Variants in COL4A4 observed in about 807,000 individuals in gnomAD.
COL4A4 encodes collagen type IV alpha 4 chain, also known as collagen alpha-4(IV) chain.
In COL4A4, 105 loss-of-function variants were observed where a neutral mutation model predicts 192.9. That is an observed-to-expected ratio of 0.54 (90% confidence interval 0.46 to 0.64). The LOEUF (loss-of-function observed/expected upper bound fraction) is 0.64, where lower values mean the gene tolerates loss of function less well. COL4A4 is among the 30% of genes least tolerant of loss of function. The probability of loss-of-function intolerance (pLI) is 0.00; values close to 1 mark genes in which losing one functional copy is unlikely to be tolerated. For missense variants in COL4A4, 1,967 were observed against 2,169.3 expected (o/e 0.91, Z 1.85); for synonymous variants, 762 against 769.9 (o/e 0.99, Z 0.17).
intron 5 of COL4A4, 37 bp from the exon 6 acceptor site, chr2:227,119,976 TATTAA>T (rs1559674472): frequency 6.9e-7 from 1 of 1,448,302 alleles, no homozygotes; most frequent in Admixed American, 1.9e-5. Flanking sequence ...AGATAAAAAT[TATTAA>T]ATTAATAAGC....
At chr2:227,052,944 G>A (rs976774400) in intron 31 of COL4A4, among the ~76,000 whole-genome samples, 4 of 152,068 alleles carry the variant, frequency 2.6e-5, no homozygotes, top group African/African-American at 4.8e-5. Context: ...TGCAGGCGTG[G>A]GCTCCTACCA....
chr2:227,000,364 A>T (rs563029670), downstream of COL4A4, among the ~76,000 whole-genome samples: 1 of 152,360 alleles, frequency 6.6e-6, no homozygotes, highest in Non-Finnish European at 1.5e-5. Flanking sequence ...TGCATTTTAC[A>T]CCATTTATTG....
intron 25 of COL4A4, among the ~76,000 whole-genome samples, chr2:227,074,729 G>C (rs1202447145): frequency 6.6e-6 from 1 of 152,124 alleles, no homozygotes; most frequent in Non-Finnish European, 1.5e-5. Flanking sequence ...CCATTAAAAG[G>C]AACAAAACAA....
At chr2:227,133,329 G>C (rs1293457904) in intron 4 of COL4A4, among the ~76,000 whole-genome samples, 1 of 152,260 alleles carries the variant, frequency 6.6e-6, no homozygotes, top group African/African-American at 2.4e-5. Context: ...ACGTAGACTC[G>C]GTCTGTTTGG....
At chr2:227,018,379 G>A (rs1350457175) in intron 44 of COL4A4, among the ~76,000 whole-genome samples, 4 of 152,320 alleles carry the variant, frequency 2.6e-5, no homozygotes, top group Non-Finnish European at 4.4e-5. Flanking sequence ...GGTCAGCCAG[G>A]GTTTGGCATT....
intron 24 of COL4A4, among the ~76,000 whole-genome samples, chr2:227,078,296 G>A (rs1451741781): frequency 6.6e-6 from 1 of 152,120 alleles, no homozygotes; most frequent in Admixed American, 6.5e-5. Flanking sequence ...AGGCTGGTGT[G>A]CAGTGGTGCT....
At chr2:227,018,297 C>T (rs1056169561) in intron 44 of COL4A4, among the ~76,000 whole-genome samples, 12 of 152,064 alleles carry the variant, frequency 7.9e-5, no homozygotes, top group Non-Finnish European at 1.2e-4. Flanking sequence ...TGTATATGGC[C>T]CCTCACACCC....
intron 22 of COL4A4, among the ~76,000 whole-genome samples, chr2:227,085,045 C>T (rs1047438329): frequency 6.6e-6 from 1 of 151,856 alleles, no homozygotes; most frequent in African/African-American, 2.4e-5. Flanking sequence ...GCAGCAGAAT[C>T]GCCTGAACCC....
rs753486694 is a variant in COL4A4, at chr2:227,098,792, G to T, written c.1106C>A (p.Pro369Gln). Residue 369 changes from proline to glutamine, a missense_variant, in exon 19 of 48, where the codon CCA (proline) becomes CAA (glutamine). Pro to Gln is a moderately conservative substitution (Grantham distance 76). Coordinates refer to ENST00000396625, the MANE Select transcript of COL4A4 (RefSeq NM_000092.5). ...VTPPLPLKGP[P>Q]GDPGFPGRYG... Reference sequence around the variant, plus strand: ...GCGGCCAGGGAACCCTGGGTCCCCTGGTGGGCCTGCCAAAGATAATGGTAC... The same window carrying T: ...GCGGCCAGGGAACCCTGGGTCCCCTTGTGGGCCTGCCAAAGATAATGGTAC... 4 of 1,613,556 alleles carry T rather than the reference G, an allele frequency of 2.5e-6. No homozygotes were observed. Among genetic ancestry groups the T allele is most frequent in the Admixed American group, 3.3e-5 (2 of 59,990 alleles).
intron 20 of COL4A4, among the ~76,000 whole-genome samples, chr2:227,090,242 G>C (rs2059841572): frequency 6.6e-6 from 1 of 151,844 alleles, no homozygotes; most frequent in African/African-American, 2.4e-5. Flanking sequence ...CAAGATAATG[G>C]ACAACAAAAC....
the COL4A4 span, among the ~76,000 whole-genome samples, chr2:226,993,989 C>T: frequency 6.6e-6 from 1 of 152,156 alleles, no homozygotes; most frequent in Non-Finnish European, 1.5e-5. Context: ...GCTTTGCCCA[C>T]CCTCCCTTCC....
chr2:226,999,817 G>A (rs1231443587), downstream of COL4A4, among the ~76,000 whole-genome samples: 2 of 152,138 alleles, frequency 1.3e-5, no homozygotes, highest in Non-Finnish European at 2.9e-5. Flanking sequence ...GTGGCTCTCT[G>A]GATGCGAAAC....
At chr2:227,148,369 G>A (rs960038748) in intron 1 of COL4A4, among the ~76,000 whole-genome samples, 8 of 152,138 alleles carry the variant, frequency 5.3e-5, no homozygotes, top group Non-Finnish European at 7.3e-5. Flanking sequence ...AATGAATCTC[G>A]ACAACATTGT....
At chr2:227,104,638 CTTT>C (rs373008018) in intron 12 of COL4A4, among the ~76,000 whole-genome samples, 3 of 110,334 alleles carry the variant, frequency 2.7e-5, no homozygotes, top group Admixed American at 1.1e-4. Context: ...TCTATTAAAA[CTTT>C]TTTTTTTTTT....
intron 27 of COL4A4, 34 bp downstream of exon 27, chr2:227,060,102 A>AAAAAT: frequency 1.9e-6 from 1 of 515,234 alleles, no homozygotes; most frequent in Non-Finnish European, 2.9e-6. Context: ...CCCAAAGCAG[A>AAAAAT]AAAAAAAAAA....
Position 227,022,030 on chromosome 2 carries a change from T to C in COL4A4, c.4216+18A>G, listed in dbSNP as rs1302871692. The C allele has an allele frequency of 1.2e-6, 2 of 1,606,946 alleles. No homozygotes were observed. The highest frequency in any genetic ancestry group is 1.1e-5 in the South Asian group (1 of 89,712). On this transcript the variant is annotated intron_variant, in intron 44 of 47. Coordinates refer to ENST00000396625, the MANE Select transcript of COL4A4 (RefSeq NM_000092.5). Reference sequence around the variant, plus strand: ...AATATATCATGAAAATAATGAACAATCAGCATGCGGCTCATACCTGGTCCT... The same window carrying C: ...AATATATCATGAAAATAATGAACAACCAGCATGCGGCTCATACCTGGTCCT...
chr2:227,102,723 G>GT, intron 15 of COL4A4, 66 bp downstream of exon 15: 1 of 1,420,402 alleles, frequency 7.0e-7, no homozygotes, highest in Non-Finnish European at 1.0e-6. Flanking sequence ...TACTGACCTG[G>GT]TTTTATAAAA....
chr2:227,123,266 A>G lies in COL4A4; in HGVS notation c.193-2118T>C, dbSNP rs767919791. ...TAAAAATAGTGCAAGAACATTCACC[A>G]CAGTGTTATATGCAATAGCAAGAGA... On this transcript the variant is annotated intron_variant, in intron 4 of 47. Transcript: ENST00000396625. The surrounding 1 kb of genome is among the most constrained non-coding windows in gnomAD (Gnocchi z 4.6). Among the ~76,000 whole-genome samples the G allele has an allele frequency of 2.0e-5, 3 of 152,240 alleles. No individual in the cohort carries two copies. The highest frequency in any genetic ancestry group is 4.8e-5 in the African/African-American group (2 of 41,472).
rs1553644265 is a variant in COL4A4, at chr2:227,060,120, A to AAAAAAC, written c.2164+10_2164+15dup. The AAAAAAC allele has an allele frequency of 1.8e-4, 255 of 1,403,490 alleles. 6 individuals carry two copies. The highest frequency in any genetic ancestry group is 2.2e-4 in the Non-Finnish European group (228 of 1,020,402). The allele number at this position is 1,403,490 out of a possible 1,614,324, so 86.9% of individuals were successfully genotyped here. ...AAAGCAGAAAAAAAAAAAAAAAAAAAAAAAACCTCACTGACCAGGTGGACC... is the reference window on the plus strand; with the variant it reads ...AAAGCAGAAAAAAAAAAAAAAAAAAAAAAAACAAAAACCTCACTGACCAGGTGGACC... On this transcript the variant is annotated intron_variant, in intron 27 of 47. Transcript: ENST00000396625.
Sources: gnomAD v4.1 joint callset for allele counts (sites outside exome capture counted in the v4.1 genomes callset) on GRCh38, gnomAD v4.1.1 for gene constraint, Gnocchi (gnomAD v3.1) non-coding constraint, MANE v1.5 for transcripts, NCBI Gene and HGNC (gene_info 2026-07-23, HGNC 2026-07-21) for gene names.